Variants in UPP2 observed in about 807,000 individuals in gnomAD.
UPP2 encodes the protein UPase 2.
Under a neutral mutation model 26.7 loss-of-function variants are expected in UPP2, and 23 were observed. The ratio of observed to expected loss-of-function variants is 0.86; its 90% CI spans 0.62 to 1.22. UPP2 has a LOEUF of 1.22. Ranked by LOEUF, UPP2 falls within the 50% of genes most tolerant of loss-of-function variation. The probability of loss-of-function intolerance (pLI) is 0.00; values close to 1 mark genes in which losing one functional copy is unlikely to be tolerated. For missense variants in UPP2, 387 were observed against 396.7 expected (o/e 0.98, Z 0.21); for synonymous variants, 127 against 141.3 (o/e 0.90, Z 0.72).
At chr2:158,123,548 G>C (rs776762100) in intron 5 of UPP2, among the ~76,000 whole-genome samples, 1 of 152,168 alleles carries the variant, frequency 6.6e-6, no homozygotes, top group Non-Finnish European at 1.5e-5. Context: ...TCCTTCCTAC[G>C]TATGAGACTC....
intron 3 of UPP2, among the ~76,000 whole-genome samples, chr2:158,090,526 C>CAAA (rs1553468259): frequency 2.1e-5 from 3 of 145,502 alleles, no homozygotes; most frequent in Non-Finnish European, 4.4e-5. Context: ...ACCCAAAAAA[C>CAAA]AAACAAACAA....
chr2:158,053,068 A>C (rs2105172838), intron 3 of UPP2, among the ~76,000 whole-genome samples: 1 of 152,278 alleles, frequency 6.6e-6, no homozygotes, highest in African/African-American at 2.4e-5. Flanking sequence ...TGCCCCTGGA[A>C]CCGGTAGATA....
intron 3 of UPP2, among the ~76,000 whole-genome samples, chr2:158,064,863 T>C (rs2105181731): frequency 6.6e-6 from 1 of 152,336 alleles, no homozygotes; most frequent in African/African-American, 2.4e-5. Flanking sequence ...CCATTGCTTT[T>C]TTGTGTCAGG....
At chr2:158,030,167 T>C (rs572259578) in intron 3 of UPP2, among the ~76,000 whole-genome samples, 12 of 152,258 alleles carry the variant, frequency 7.9e-5, no homozygotes, top group African/African-American at 2.9e-4. Flanking sequence ...AGATAAAAAA[T>C]TGGCGATTAT....
At position 158,123,746 on chromosome 2, in the gene UPP2, C is replaced by T. The variant is rs1243083452; in HGVS notation, c.665-3C>T. On this transcript the variant is annotated splice_region_variant and splice_polypyrimidine_tract_variant and intron_variant, in intron 5 of 6. Transcript: ENST00000005756. Reference sequence around the variant, plus strand: ...TCACTAAACGTTCTCCCCTCCCTTTCAGGCCAAGGCCGACTAGATGGAGCA... The same window carrying T: ...TCACTAAACGTTCTCCCCTCCCTTTTAGGCCAAGGCCGACTAGATGGAGCA... 4 of 1,612,536 alleles carry T rather than the reference C, an allele frequency of 2.5e-6. No homozygotes were observed. Among genetic ancestry groups the T allele is most frequent in the South Asian group, 1.1e-5 (1 of 90,898 alleles).
chr2:158,007,951 C>A (rs1558901782), intron 2 of UPP2, among the ~76,000 whole-genome samples: 1 of 152,148 alleles, frequency 6.6e-6, no homozygotes, highest in Non-Finnish European at 1.5e-5. Context: ...TTTCATTAAC[C>A]AGATGCTTCT....
At chr2:158,028,152 T>G (rs987451495) in intron 3 of UPP2, among the ~76,000 whole-genome samples, 5 of 152,222 alleles carry the variant, frequency 3.3e-5, no homozygotes, top group Non-Finnish European at 7.3e-5. Flanking sequence ...TTGAATATCT[T>G]CTTAGAAAAT....
At chr2:158,011,542 T>C (rs1683579421) in intron 2 of UPP2, among the ~76,000 whole-genome samples, 1 of 151,926 alleles carries the variant, frequency 6.6e-6, no homozygotes, top group South Asian at 2.1e-4. Context: ...CTTTGATCAA[T>C]TGCAATGGTC....
At chr2:158,027,383 G>A (rs1193659135) in intron 3 of UPP2, among the ~76,000 whole-genome samples, 7 of 152,200 alleles carry the variant, frequency 4.6e-5, no homozygotes, top group South Asian at 4.2e-4. Context: ...GAAATCCAGC[G>A]GGGCAGTCAA....
At chr2:158,029,795 CTTT>C (rs565905140) in intron 3 of UPP2, among the ~76,000 whole-genome samples, 2 of 132,504 alleles carry the variant, frequency 1.5e-5, no homozygotes. Flanking sequence ...CATCTCGTTT[CTTT>C]TTTTTTTTTT....
chr2:158,097,889 C>CT (rs1414469580), upstream of UPP2, among the ~76,000 whole-genome samples: 1 of 152,132 alleles, frequency 6.6e-6, no homozygotes, highest in African/African-American at 2.4e-5. Context: ...ATACTAATCT[C>CT]TTTTTTTCTT....
chr2:158,118,705 T>A (rs1433070235), intron 4 of UPP2, among the ~76,000 whole-genome samples: 1 of 152,016 alleles, frequency 6.6e-6, no homozygotes, highest in African/African-American at 2.4e-5. Flanking sequence ...GACAGGGCGA[T>A]AGAACTGAAT....
At chr2:158,094,019 A>G (rs1682950956) in intron 3 of UPP2, among the ~76,000 whole-genome samples, 2 of 150,472 alleles carry the variant, frequency 1.3e-5, no homozygotes, top group Non-Finnish European at 3.0e-5. Flanking sequence ...TTATATATAC[A>G]TATCTACCAT....
chr2:158,025,355 G>A (rs1558907137), intron 3 of UPP2, among the ~76,000 whole-genome samples: 1 of 152,178 alleles, frequency 6.6e-6, no homozygotes, highest in Non-Finnish European at 1.5e-5. Context: ...GCAGACCTGA[G>A]CCTTTCTTCC....
At chr2:158,021,588 GATTTTA>G (rs1683753210) in intron 3 of UPP2, among the ~76,000 whole-genome samples, 1 of 152,210 alleles carries the variant, frequency 6.6e-6, no homozygotes, top group Admixed American at 6.5e-5. Flanking sequence ...CTTCCTTTGA[GATTTTA>G]ATTTTATTAT....
intron 3 of UPP2, among the ~76,000 whole-genome samples, chr2:158,050,201 G>A (rs1488345767): frequency 6.6e-6 from 1 of 152,158 alleles, no homozygotes; most frequent in African/African-American, 2.4e-5. Flanking sequence ...TATGAACTGA[G>A]GTTTTCCATG....
intron 3 of UPP2, among the ~76,000 whole-genome samples, chr2:158,071,473 C>G (rs1350739048): frequency 1.4e-5 from 2 of 146,404 alleles, no homozygotes; most frequent in Non-Finnish European, 3.0e-5. Flanking sequence ...ATTGCTTGAA[C>G]CCGGGAGGTG....
At chr2:158,091,760 C>G (rs988347801) in intron 3 of UPP2, among the ~76,000 whole-genome samples, 2 of 152,212 alleles carry the variant, frequency 1.3e-5, no homozygotes, top group African/African-American at 4.8e-5. Flanking sequence ...ACATGCTTCT[C>G]TTCCTCCAGC....
intron 3 of UPP2, among the ~76,000 whole-genome samples, chr2:158,042,945 TC>T (rs1684101388): frequency 6.6e-6 from 1 of 152,064 alleles, no homozygotes; most frequent in African/African-American, 2.4e-5. Flanking sequence ...CCTGTGAAGC[TC>T]CCCAGCACCC....
Sources: allele counts gnomAD v4.1 joint callset (sites outside exome capture counted in the v4.1 genomes callset), GRCh38; gene constraint gnomAD v4.1.1; transcripts MANE v1.5; gene names NCBI Gene and HGNC (gene_info 2026-07-23, HGNC 2026-07-21).